Variants in ARHGAP18 observed in about 807,000 individuals in gnomAD.
The protein encoded by ARHGAP18 is rho GTPase-activating protein 18.
Under a neutral mutation model 86.2 loss-of-function variants are expected in ARHGAP18, and 67 were observed. That is an observed-to-expected ratio of 0.78 (90% confidence interval 0.64 to 0.95). The LOEUF (loss-of-function observed/expected upper bound fraction) is 0.95, where lower values mean the gene tolerates loss of function less well. ARHGAP18 is among the 40% of genes least tolerant of loss of function. The pLI is 0.00. For missense variants in ARHGAP18, 691 were observed against 780.4 expected, an observed-to-expected ratio of 0.89 and a Z score of 1.37; for synonymous variants, 283 against 280.4, an observed-to-expected ratio of 1.01 and a Z score of -0.09.
chr6:129,643,744 T>A (rs1275654424), intron 1 of ARHGAP18, among the ~76,000 whole-genome samples: 3 of 151,850 alleles, frequency 2.0e-5, no homozygotes, highest in Non-Finnish European at 4.4e-5. Flanking sequence ...AAAATAATTT[T>A]AAAATTACAA....
At chr6:129,663,274 TGAA>T (rs1205921675) in intron 1 of ARHGAP18, among the ~76,000 whole-genome samples, 1 of 152,248 alleles carries the variant, frequency 6.6e-6, no homozygotes, top group African/African-American at 2.4e-5. Flanking sequence ...CTGACTCATC[TGAA>T]GAAGAGCAGC....
At chr6:129,600,435 C>T (rs1788714016) in intron 11 of ARHGAP18, among the ~76,000 whole-genome samples, 1 of 152,048 alleles carries the variant, frequency 6.6e-6, no homozygotes, top group Admixed American at 6.6e-5. Context: ...GGAAAATAGG[C>T]AGAAGTAAAT....
At chr6:129,603,517 A>T (rs1788791724) in intron 10 of ARHGAP18, among the ~76,000 whole-genome samples, 1 of 152,156 alleles carries the variant, frequency 6.6e-6, no homozygotes, top group Admixed American at 6.6e-5. Flanking sequence ...TACCAGCACA[A>T]TTACTTAGTA....
intron 1 of ARHGAP18, among the ~76,000 whole-genome samples, chr6:129,661,097 T>C (rs1474987963): frequency 6.6e-6 from 1 of 150,722 alleles, no homozygotes; most frequent in Non-Finnish European, 1.5e-5. Flanking sequence ...TTTTTATGAT[T>C]AAGACAAACT....
intron 4 of ARHGAP18, among the ~76,000 whole-genome samples, 172 bp downstream of exon 4, chr6:129,633,870 A>C (rs553637310): frequency 2.0e-5 from 3 of 152,202 alleles, no homozygotes; most frequent in Non-Finnish European, 2.9e-5. Flanking sequence ...TTAAAAGAAA[A>C]TTGAAGGCCA....
At chr6:129,645,443 T>C (rs750075323) in intron 1 of ARHGAP18, among the ~76,000 whole-genome samples, 4 of 152,158 alleles carry the variant, frequency 2.6e-5, no homozygotes, top group Non-Finnish European at 5.9e-5. Flanking sequence ...TTCCAAAAGA[T>C]CCAAGTTGAC....
intron 12 of ARHGAP18, among the ~76,000 whole-genome samples, chr6:129,586,355 T>C (rs1056867158): frequency 9.9e-5 from 15 of 152,172 alleles, no homozygotes; most frequent in African/African-American, 3.6e-4. Context: ...TATTGGTATT[T>C]TGGATTCTGT....
At chr6:129,702,923 C>A (rs940070650) in intron 1 of ARHGAP18, among the ~76,000 whole-genome samples, 18 of 152,118 alleles carry the variant, frequency 1.2e-4, no homozygotes, top group African/African-American at 4.3e-4. Flanking sequence ...TTGCTTCAAC[C>A]CAGGAGACAG....
chr6:129,670,377 A>G (rs974706506), intron 1 of ARHGAP18, among the ~76,000 whole-genome samples: 1 of 152,218 alleles, frequency 6.6e-6, no homozygotes, highest in Non-Finnish European at 1.5e-5. Flanking sequence ...ATTCTTCAAT[A>G]TATTGTGCAA....
chr6:129,688,682 C>T (rs368428055), intron 1 of ARHGAP18, among the ~76,000 whole-genome samples: 3 of 152,050 alleles, frequency 2.0e-5, no homozygotes, highest in African/African-American at 7.2e-5. Flanking sequence ...ATCCCAGCTA[C>T]TTGGGAGGCT....
At chr6:129,658,008 T>C (rs1028850455) in intron 1 of ARHGAP18, among the ~76,000 whole-genome samples, 4 of 152,190 alleles carry the variant, frequency 2.6e-5, no homozygotes, top group Non-Finnish European at 5.9e-5. Context: ...CATACTAATG[T>C]TTCCAGAAAA....
chr6:129,695,916 C>T (rs1774609298), intron 1 of ARHGAP18, among the ~76,000 whole-genome samples: 1 of 152,162 alleles, frequency 6.6e-6, no homozygotes, highest in African/African-American at 2.4e-5. Context: ...TATCCTCTCC[C>T]TTTCTTTGAA....
intron 1 of ARHGAP18, among the ~76,000 whole-genome samples, chr6:129,709,572 GAA>G (rs371362354): frequency 2.0e-5 from 3 of 151,866 alleles, no homozygotes; most frequent in African/African-American, 7.3e-5. Context: ...AGAGAGGGGG[GAA>G]AAAAAACACT....
At chr6:129,637,613 C>G (rs1418591843) in intron 3 of ARHGAP18, among the ~76,000 whole-genome samples, 2 of 152,222 alleles carry the variant, frequency 1.3e-5, no homozygotes, top group Admixed American at 6.5e-5. Flanking sequence ...CTGTAACCTA[C>G]TTGTGTCAAT....
chr6:129,644,089 G>A (rs1445783372), intron 1 of ARHGAP18, among the ~76,000 whole-genome samples: 2 of 152,154 alleles, frequency 1.3e-5, no homozygotes, highest in Non-Finnish European at 2.9e-5. Context: ...AGCAACCTTG[G>A]GGTGGCGATG....
intron 5 of ARHGAP18, among the ~76,000 whole-genome samples, chr6:129,619,165 C>T (rs572199144): frequency 2.4e-5 from 3 of 124,802 alleles, no homozygotes; most frequent in Non-Finnish European, 4.9e-5. Flanking sequence ...GTTAAGTGAC[C>T]TTCAGAAAAG....
chr6:129,652,664 T>C (rs1773739793), intron 1 of ARHGAP18, among the ~76,000 whole-genome samples: 1 of 152,214 alleles, frequency 6.6e-6, no homozygotes, highest in African/African-American at 2.4e-5. Flanking sequence ...TAAGACTTAA[T>C]ATGCTTCAAG....
chr6:129,680,773 A>C (rs1774310607), intron 1 of ARHGAP18, among the ~76,000 whole-genome samples: 1 of 152,238 alleles, frequency 6.6e-6, no homozygotes, highest in African/African-American at 2.4e-5. Context: ...TCCTTAACTG[A>C]AAAAGGAATT....
intron 1 of ARHGAP18, 33 bp downstream of exon 1, chr6:129,709,991 G>A (rs376845235): frequency 1.3e-6 from 2 of 1,549,766 alleles, no homozygotes; most frequent in Non-Finnish European, 1.8e-6. Flanking sequence ...AGGTAAGAGG[G>A]TTTTGTTTTG....
Sources: allele counts gnomAD v4.1 joint callset (sites outside exome capture counted in the v4.1 genomes callset), GRCh38; gene constraint gnomAD v4.1.1; transcripts MANE v1.5; gene names NCBI Gene and HGNC (gene_info 2026-07-23, HGNC 2026-07-21).